COG5: variants seen among roughly 807,000 people sequenced by gnomAD.
COG5 encodes the protein component of oligomeric golgi complex 5.
In COG5, 86 loss-of-function variants were observed where a neutral mutation model predicts 110.4. That is an observed-to-expected ratio of 0.78 (90% CI 0.65 to 0.93). The LOEUF (loss-of-function observed/expected upper bound fraction) is 0.93, where lower values mean the gene tolerates loss of function less well. COG5 is among the 40% of genes least tolerant of loss of function. The pLI is 0.00. For synonymous variants in COG5, 360 were observed against 334.6 expected (o/e 1.08, Z -0.83); for missense variants, 1,077 against 987.0 (o/e 1.09, Z -1.22).
At chr7:107,493,182 C>T (rs762723624) in intron 6 of COG5, among the ~76,000 whole-genome samples, 1 of 152,132 alleles carries the variant, frequency 6.6e-6, no homozygotes, top group Non-Finnish European at 1.5e-5. Context: ...CCTTCCACCA[C>T]GTAAGGATGC....
Position 107,283,590 on chromosome 7 carries a change from T to C in COG5, c.1456A>G (p.Ile486Val). The C allele has an allele frequency of 5.0e-6, 8 of 1,613,952 alleles. No homozygotes were observed. The highest frequency in any genetic ancestry group is 6.8e-6 in the Non-Finnish European group (8 of 1,179,904). ...NPPSSDELDG[I>V]IKTIASELNV... ...ACATACCTTGCTATAGTTTTAATAA[T>C]ACCATCAAGTTCATCAGAGGAAGGA... is the stretch of plus-strand genomic sequence containing the variant. The change falls in exon 13 of 22, where the codon ATT becomes GTT. Residue 486 changes from isoleucine (I) to valine (V), a missense_variant. By Grantham distance (29) the Ile-to-Val change is conservative. Coordinates refer to ENST00000297135, the MANE Select transcript of COG5 (RefSeq NM_006348.5).
At chr7:107,445,215 T>C (rs1448406213) in intron 6 of COG5, among the ~76,000 whole-genome samples, 1 of 152,066 alleles carries the variant, frequency 6.6e-6, no homozygotes, top group Non-Finnish European at 1.5e-5. Flanking sequence ...AAAAATGTTG[T>C]AGAAATGTAG....
chr7:107,334,389 A>G (rs1190549089), intron 10 of COG5, among the ~76,000 whole-genome samples: 1 of 152,204 alleles, frequency 6.6e-6, no homozygotes, highest in Admixed American at 6.5e-5. Flanking sequence ...GATTATAAAA[A>G]AAACTTCCAA....
At chr7:107,209,866 AGGT>A in intron 21 of COG5, 1 of 985,832 alleles carries the variant, frequency 1.0e-6, no homozygotes, top group Non-Finnish European at 1.2e-6. Context: ...CAGAGTGGTA[AGGT>A]AAAAATGGGA....
At chr7:107,322,307 G>C (rs903133315) in intron 11 of COG5, among the ~76,000 whole-genome samples, 5 of 152,144 alleles carry the variant, frequency 3.3e-5, no homozygotes, top group Non-Finnish European at 7.4e-5. Flanking sequence ...TAACACGTGA[G>C]GACACAGTCA....
chr7:107,281,999 C>A, intron 13 of COG5, among the ~76,000 whole-genome samples: 3 of 136,410 alleles, frequency 2.2e-5, no homozygotes. Context: ...GGTATTTGAT[C>A]TGACTGCCAA....
chr7:107,502,146 GTTT>G (rs1019318219), intron 6 of COG5, among the ~76,000 whole-genome samples: 2 of 152,006 alleles, frequency 1.3e-5, no homozygotes, highest in Non-Finnish European at 2.9e-5. Context: ...CTAATATGCA[GTTT>G]TTTATCCCAC....
rs201100132 is a variant in COG5, at chr7:107,283,555, T to C, written c.1475+16A>G. 9.9e-5 allele frequency: 159 copies of C among 1,607,220 alleles called. No homozygotes were observed. The East Asian group carries it at 3.1e-3, about 32-fold the overall frequency. On this transcript the variant is annotated intron_variant, in intron 13 of 21. Transcript: ENST00000297135. Reference sequence around the variant, plus strand: ...GCAGTCATCTTATGGCAAGCCACTATATAAAAAATACATACCTTGCTATAG... The same window carrying C: ...GCAGTCATCTTATGGCAAGCCACTACATAAAAAATACATACCTTGCTATAG...
At chr7:107,404,283 T>A (rs1286773926) in intron 7 of COG5, among the ~76,000 whole-genome samples, 1 of 152,192 alleles carries the variant, frequency 6.6e-6, no homozygotes, top group African/African-American at 2.4e-5. Flanking sequence ...ATGTAACTGA[T>A]AATATGATGT....
Position 107,324,540 on chromosome 7 carries a change from A to T in COG5, c.1027-19T>A. 6.7e-7 allele frequency: 1 copy of T among 1,499,126 alleles called. No homozygotes were observed. The highest frequency in any genetic ancestry group is 9.2e-7 in the Non-Finnish European group (1 of 1,086,234). 92.9% of individuals were successfully genotyped at this position (1,499,126 alleles called of 1,614,324 possible). A position where few individuals can be genotyped will look rare whatever the true frequency, so the allele number is the denominator to read the frequency against. On this transcript the variant is annotated intron_variant, in intron 10 of 21. Coordinates refer to ENST00000297135, the MANE Select transcript of COG5 (RefSeq NM_006348.5). ...GTCCATCCTGTGAAGAACAAACAAA[A>T]ATTTTTTAAAAATAAAAAAATGCAT...
At chr7:107,209,633 A>G (rs1799020918) in intron 21 of COG5, 1 of 176,592 alleles carries the variant, frequency 5.7e-6, no homozygotes, top group African/African-American at 2.4e-5. Flanking sequence ...AGCAAATGAC[A>G]CACAAAAAAA....
chr7:107,309,452 G>C (rs1053351330), intron 11 of COG5, among the ~76,000 whole-genome samples: 1 of 152,052 alleles, frequency 6.6e-6, no homozygotes, highest in African/African-American at 2.4e-5. Flanking sequence ...TCTCTGATAG[G>C]ACTATAGCAT....
intron 5 of COG5, among the ~76,000 whole-genome samples, chr7:107,537,279 T>TAC (rs1188841799): frequency 1.3e-5 from 2 of 152,110 alleles, no homozygotes; most frequent in African/African-American, 2.4e-5. Context: ...ACTATAAAGA[T>TAC]ACACACACAC....
At chr7:107,276,666 A>T (rs984287213) in intron 14 of COG5, among the ~76,000 whole-genome samples, 1 of 151,950 alleles carries the variant, frequency 6.6e-6, no homozygotes, top group Non-Finnish European at 1.5e-5. Context: ...CAAACAAAAA[A>T]CCCCAAACTT....
At chr7:107,321,644 CA>C (rs1159092485) in intron 11 of COG5, among the ~76,000 whole-genome samples, 1 of 152,052 alleles carries the variant, frequency 6.6e-6, no homozygotes, top group Non-Finnish European at 1.5e-5. Context: ...TGATTTTCAA[CA>C]AAAGTTTCCA....
Position 107,341,868 on chromosome 7 carries a change from G to A in COG5, c.1027-17347C>T, listed in dbSNP as rs575372108. The stretch of plus-strand genomic sequence containing the variant: ...ACTGGATCCCTACCTTTTATTATAT[G>A]CAAAACTTAACTAAGGTGGATTGAA... On this transcript the variant is annotated intron_variant, in intron 10 of 21. Coordinates refer to ENST00000297135, the MANE Select transcript of COG5 (RefSeq NM_006348.5). Among the ~76,000 whole-genome samples the A allele has an allele frequency of 6.6e-5, 10 of 152,266 alleles. 1 individual carries two copies. In the South Asian group the frequency reaches 2.1e-3, roughly 32 times the overall value.
At chr7:107,458,618 G>A (rs1333746710) in intron 6 of COG5, among the ~76,000 whole-genome samples, 1 of 152,136 alleles carries the variant, frequency 6.6e-6, no homozygotes, top group Non-Finnish European at 1.5e-5. Flanking sequence ...ACATTGGGAG[G>A]CCAACACAGA....
intron 6 of COG5, among the ~76,000 whole-genome samples, chr7:107,499,403 A>T: frequency 6.9e-6 from 1 of 144,368 alleles, no homozygotes; most frequent in Non-Finnish European, 1.5e-5. Context: ...AGGGAAGAGG[A>T]GTAAATTTTT....
intron 5 of COG5, among the ~76,000 whole-genome samples, chr7:107,539,213 A>G (rs917096044): frequency 2.0e-5 from 3 of 152,166 alleles, no homozygotes; most frequent in Admixed American, 6.6e-5. Flanking sequence ...ATGACAGAGC[A>G]AGACCCTGTC....
Sources: gnomAD v4.1 joint callset for allele counts (sites outside exome capture counted in the v4.1 genomes callset) on GRCh38, gnomAD v4.1.1 for gene constraint, MANE v1.5 for transcripts, NCBI Gene and HGNC (gene_info 2026-07-23, HGNC 2026-07-21) for gene names.